Variants in TEAD1 observed in about 807,000 individuals in gnomAD.
The protein encoded by TEAD1 is transcriptional enhancer factor TEF-1.
In TEAD1, 9 loss-of-function variants were observed where a neutral mutation model predicts 54.9. That is an observed-to-expected ratio of 0.16 (90% confidence interval 0.10 to 0.29). The LOEUF is 0.29. TEAD1 is among the 10% of genes least tolerant of loss of function. The pLI, the probability that TEAD1 is intolerant of heterozygous loss-of-function variation, is 1.00. For synonymous variants in TEAD1, 200 were observed against 187.8 expected (o/e 1.07, Z -0.53); for missense variants, 387 against 535.9 (o/e 0.72, Z 2.74).
chr11:12,890,459 A>G (rs1428127620), intron 9 of TEAD1, among the ~76,000 whole-genome samples: 4 of 152,202 alleles, frequency 2.6e-5, no homozygotes, highest in Admixed American at 2.0e-4. Context: ...CTCTAGTGGC[A>G]GCAAAGAGGT....
intron 2 of TEAD1, among the ~76,000 whole-genome samples, chr11:12,703,700 G>T (rs1943752631): frequency 6.6e-6 from 1 of 152,128 alleles, no homozygotes; most frequent in African/African-American, 2.4e-5. Context: ...AGACCCTCAG[G>T]ATATATCCAT....
intron 3 of TEAD1, among the ~76,000 whole-genome samples, chr11:12,822,883 T>C (rs1338961213): frequency 6.6e-6 from 1 of 152,234 alleles, no homozygotes; most frequent in Admixed American, 6.5e-5. Context: ...GGGTAATCTT[T>C]GGAGCATGTC....
chr11:12,706,042 G>A (rs1028339739), intron 2 of TEAD1, among the ~76,000 whole-genome samples: 3 of 152,186 alleles, frequency 2.0e-5, no homozygotes, highest in African/African-American at 7.2e-5. Flanking sequence ...GCTTACAAGG[G>A]CTGTTAGAGT....
At chr11:12,813,040 C>T (rs1014764046) in intron 3 of TEAD1, among the ~76,000 whole-genome samples, 1 of 152,168 alleles carries the variant, frequency 6.6e-6, no homozygotes, top group African/African-American at 2.4e-5. Flanking sequence ...CCAGATGCTC[C>T]TAGTGAACTT....
At chr11:12,875,496 CTGG>C (rs2134088169) in intron 5 of TEAD1, among the ~76,000 whole-genome samples, 1 of 152,286 alleles carries the variant, frequency 6.6e-6, no homozygotes, top group African/African-American at 2.4e-5. Context: ...CAAGATATCC[CTGG>C]TGGTGCTTAT....
At chr11:12,692,675 G>C (rs1325931362) in intron 2 of TEAD1, among the ~76,000 whole-genome samples, 1 of 152,124 alleles carries the variant, frequency 6.6e-6, no homozygotes, top group South Asian at 2.1e-4. Flanking sequence ...TCTGTGCCCC[G>C]CGGTAAACTC....
At chr11:12,677,408 C>T (rs1334192927) in intron 2 of TEAD1, among the ~76,000 whole-genome samples, 1 of 152,020 alleles carries the variant, frequency 6.6e-6, no homozygotes, top group Non-Finnish European at 1.5e-5. Context: ...TTCCCATTTC[C>T]TCTCTCCCCC....
intron 2 of TEAD1, among the ~76,000 whole-genome samples, chr11:12,762,020 G>C (rs369287785): frequency 6.6e-6 from 1 of 152,076 alleles, no homozygotes; most frequent in African/African-American, 2.4e-5. Flanking sequence ...TAAGGCAGTC[G>C]AAGGTCCCTC....
intron 2 of TEAD1, among the ~76,000 whole-genome samples, chr11:12,731,354 C>T (rs911207837): frequency 1.3e-5 from 2 of 152,266 alleles, no homozygotes; most frequent in African/African-American, 4.8e-5. Context: ...TCCGTAATTT[C>T]ACCACTCATA....
At chr11:12,831,202 A>G (rs1958202010) in intron 3 of TEAD1, among the ~76,000 whole-genome samples, 1 of 150,904 alleles carries the variant, frequency 6.6e-6, no homozygotes. Flanking sequence ...CTTCCTTCTA[A>G]CTCTCCCCAG....
chr11:12,897,666 A>G (rs1403592586), intron 9 of TEAD1, among the ~76,000 whole-genome samples: 4 of 152,200 alleles, frequency 2.6e-5, no homozygotes, highest in Admixed American at 6.5e-5. Flanking sequence ...CCCCTTCTCT[A>G]TTCATTTCAG....
chr11:12,779,268 A>T (rs943751556), intron 3 of TEAD1, among the ~76,000 whole-genome samples: 2 of 152,196 alleles, frequency 1.3e-5, no homozygotes, highest in Non-Finnish European at 2.9e-5. Flanking sequence ...CTCACTGTAG[A>T]GTTCAGAAGG....
chr11:12,724,538 C>T (rs1306598708), intron 2 of TEAD1, among the ~76,000 whole-genome samples: 4 of 152,226 alleles, frequency 2.6e-5, no homozygotes, highest in African/African-American at 7.2e-5. Flanking sequence ...ATGACTCATC[C>T]TCTGAATGCG....
chr11:12,700,098 T>A (rs1051071254), intron 2 of TEAD1, among the ~76,000 whole-genome samples: 1 of 152,246 alleles, frequency 6.6e-6, no homozygotes, highest in Admixed American at 6.5e-5. Context: ...GGTATTAATT[T>A]TTCTTTTAAT....
chr11:12,798,462 G>T (rs1000271861), intron 3 of TEAD1, among the ~76,000 whole-genome samples: 1 of 152,148 alleles, frequency 6.6e-6, no homozygotes, highest in Non-Finnish European at 1.5e-5. Flanking sequence ...GGCTCCATTG[G>T]TGTTAAACTG....
intron 10 of TEAD1, among the ~76,000 whole-genome samples, chr11:12,915,924 G>A (rs1452963233): frequency 3.9e-5 from 6 of 152,296 alleles, no homozygotes; most frequent in African/African-American, 1.4e-4. Flanking sequence ...ACTCTTATCT[G>A]GGGACTAAAC....
intron 3 of TEAD1, among the ~76,000 whole-genome samples, chr11:12,855,177 C>A (rs1947352762): frequency 1.3e-5 from 2 of 152,200 alleles, no homozygotes. Flanking sequence ...TAAAACACCC[C>A]CATTCTGTAG....
chr11:12,840,546 C>T (rs944511417), intron 3 of TEAD1, among the ~76,000 whole-genome samples: 2 of 152,126 alleles, frequency 1.3e-5, no homozygotes, highest in African/African-American at 2.4e-5. Context: ...TTCACTTTCA[C>T]GAAATAAATG....
intron 2 of TEAD1, among the ~76,000 whole-genome samples, chr11:12,687,659 G>A (rs976983148): frequency 6.6e-6 from 1 of 152,082 alleles, no homozygotes; most frequent in Non-Finnish European, 1.5e-5. Flanking sequence ...AGAAAAATGA[G>A]GACACAATAC....
Sources: gnomAD v4.1 joint callset for allele counts (sites outside exome capture counted in the v4.1 genomes callset) on GRCh38, gnomAD v4.1.1 for gene constraint, MANE v1.5 for transcripts, NCBI Gene and HGNC (gene_info 2026-07-23, HGNC 2026-07-21) for gene names.